NAV3: variants seen among roughly 807,000 people sequenced by gnomAD.
The protein encoded by NAV3 is neuron navigator 3, also known as pore membrane and/or filament interacting like protein 1.
Under a neutral mutation model 244.7 loss-of-function variants are expected in NAV3, and 87 were observed. The ratio of observed to expected loss-of-function variants is 0.36; its 90% CI spans 0.30 to 0.42. The LOEUF is 0.42. Among genes scored for constraint, NAV3 ranks in the 20% least tolerant of loss-of-function variants. The pLI, the probability that NAV3 is intolerant of heterozygous loss-of-function variation, is 1.00. For synonymous variants in NAV3, 1,126 were observed against 1,042.2 expected, an observed-to-expected ratio of 1.08 and a Z score of -1.55; for missense variants, 2,663 against 2,893.3, an observed-to-expected ratio of 0.92 and a Z score of 1.83.
intron 2 of NAV3, among the ~76,000 whole-genome samples, chr12:77,584,275 G>GC (rs767388140): frequency 1.3e-5 from 2 of 151,906 alleles, no homozygotes; most frequent in African/African-American, 2.4e-5. Flanking sequence ...AAGAAGAAAA[G>GC]CCTATGTGGG....
chr12:77,996,561 T>G (rs1043136616), intron 6 of NAV3, among the ~76,000 whole-genome samples: 1 of 151,932 alleles, frequency 6.6e-6, no homozygotes, highest in Non-Finnish European at 1.5e-5. Flanking sequence ...TTAGTATTTG[T>G]TTTTTTTCCT....
At chr12:77,887,746 ATTAAT>A (rs1429978800) in intron 1 of NAV3, among the ~76,000 whole-genome samples, 1 of 152,266 alleles carries the variant, frequency 6.6e-6, no homozygotes, top group Non-Finnish European at 1.5e-5. Flanking sequence ...ATATATAAAA[ATTAAT>A]TTAAAAGTAA....
chr12:77,741,417 C>T (rs1035601057), intron 2 of NAV3, among the ~76,000 whole-genome samples: 15 of 152,022 alleles, frequency 9.9e-5, no homozygotes, highest in African/African-American at 7.2e-5. Context: ...ATATACTGGT[C>T]ACACACACAT....
Position 78,141,499 on chromosome 12 carries a change from G to A in NAV3, c.4683+1165G>A, listed in dbSNP as rs185194972. 8.4e-4 allele frequency among the ~76,000 whole-genome samples: 128 copies of A among 152,188 alleles called. 1 individual carries two copies. Among genetic ancestry groups the A allele is most frequent in the Admixed American group, 1.2e-3 (19 of 15,274 alleles). ...GCCTCTGCTGTCACTGATCAACTGA[G>A]CATCATGGGCAGTATTTTTTTCACT... is the stretch of plus-strand genomic sequence containing the variant. On this transcript the variant is annotated intron_variant, in intron 20 of 39. Coordinates refer to ENST00000397909, the MANE Select transcript of NAV3 (RefSeq NM_001024383.2).
chr12:77,925,324 C>A (rs1888088702), intron 1 of NAV3, among the ~76,000 whole-genome samples: 1 of 152,022 alleles, frequency 6.6e-6, no homozygotes, highest in South Asian at 2.1e-4. Context: ...AATTTAAAAT[C>A]TTTGACTTTT....
chr12:77,620,227 T>C (rs774929497), intron 2 of NAV3, among the ~76,000 whole-genome samples: 72 of 152,214 alleles, frequency 4.7e-4, no homozygotes, highest in Non-Finnish European at 5.9e-5. Context: ...AGCCTCAGTT[T>C]CCTGATCTTT....
At chr12:78,119,160 T>C (rs1026401185) in intron 14 of NAV3, 77 bp from the exon 15 acceptor site, 3 of 1,296,286 alleles carry the variant, frequency 2.3e-6, no homozygotes, top group African/African-American at 3.0e-5. Flanking sequence ...AGCATTCACA[T>C]TTTACACATT....
chr12:77,648,112 C>G (rs1872677836), intron 2 of NAV3, among the ~76,000 whole-genome samples: 1 of 152,016 alleles, frequency 6.6e-6, no homozygotes, highest in South Asian at 2.1e-4. Context: ...TTTGGAAAGT[C>G]ATGCAAAATA....
intron 1 of NAV3, among the ~76,000 whole-genome samples, chr12:77,903,793 T>C (rs1885610167): frequency 6.6e-6 from 1 of 151,976 alleles, no homozygotes. Context: ...CAAACAAATT[T>C]ACAAGAAAGA....
intron 3 of NAV3, among the ~76,000 whole-genome samples, chr12:77,943,964 G>A (rs1411979552): frequency 2.0e-5 from 3 of 152,140 alleles, no homozygotes; most frequent in African/African-American, 7.2e-5. Flanking sequence ...TTCCATAGTA[G>A]CCAGGTAATT....
intron 1 of NAV3, among the ~76,000 whole-genome samples, chr12:77,872,134 T>A (rs1446724147): frequency 2.0e-5 from 3 of 152,214 alleles, no homozygotes; most frequent in Admixed American, 6.5e-5. Flanking sequence ...TTGATGGGGT[T>A]GTGTTTTTTT....
chr12:77,702,502 G>A (rs1665749771), intron 2 of NAV3, among the ~76,000 whole-genome samples: 1 of 151,806 alleles, frequency 6.6e-6, no homozygotes, highest in African/African-American at 2.4e-5. Flanking sequence ...TTTTGTATTT[G>A]TCTTGTGTAT....
intron 1 of NAV3, among the ~76,000 whole-genome samples, chr12:77,910,866 A>G (rs1361184752): frequency 6.6e-6 from 1 of 152,134 alleles, no homozygotes; most frequent in African/African-American, 2.4e-5. Context: ...CTGAAGCATG[A>G]AAGAAAAGAG....
chr12:78,012,485 A>G (rs1251830904), intron 8 of NAV3, among the ~76,000 whole-genome samples: 1 of 152,092 alleles, frequency 6.6e-6, no homozygotes, highest in Admixed American at 6.6e-5. Context: ...GTTCTAAGTA[A>G]TCTAATACCC....
intron 8 of NAV3, among the ~76,000 whole-genome samples, chr12:78,012,950 G>A (rs1875561116): frequency 6.6e-6 from 1 of 151,962 alleles, no homozygotes; most frequent in East Asian, 1.9e-4. Context: ...AATAAAAATT[G>A]TTGAATGAAA....
intron 1 of NAV3, among the ~76,000 whole-genome samples, chr12:77,845,080 T>C (rs1876383933): frequency 6.6e-6 from 1 of 152,180 alleles, no homozygotes. Flanking sequence ...TCAATAAGCA[T>C]AGAACTAACG....
intron 1 of NAV3, among the ~76,000 whole-genome samples, chr12:77,919,772 C>G (rs1887527703): frequency 6.6e-6 from 1 of 151,928 alleles, no homozygotes; most frequent in African/African-American, 2.4e-5. Context: ...GGCAATTATA[C>G]TCCCTTTGCT....
At chr12:77,752,300 A>T (rs1169109223) in intron 2 of NAV3, among the ~76,000 whole-genome samples, 1 of 152,244 alleles carries the variant, frequency 6.6e-6, no homozygotes, top group African/African-American at 2.4e-5. Flanking sequence ...TGGGAAGGAA[A>T]CTATTTGTTT....
At chr12:77,572,818 G>C (rs1868890350) in intron 2 of NAV3, among the ~76,000 whole-genome samples, 1 of 152,332 alleles carries the variant, frequency 6.6e-6, no homozygotes, top group South Asian at 2.1e-4. Context: ...AAAGAACTGT[G>C]CTAACTTTAT....
Sources: allele counts gnomAD v4.1 joint callset (sites outside exome capture counted in the v4.1 genomes callset), GRCh38; gene constraint gnomAD v4.1.1; transcripts MANE v1.5; gene names NCBI Gene and HGNC (gene_info 2026-07-23, HGNC 2026-07-21).